Variants in RTTN observed in about 807,000 individuals in gnomAD.
RTTN encodes the protein rotatin.
A neutral mutation model predicts 269.2 loss-of-function variants in RTTN; 182 were observed. That is an observed-to-expected ratio of 0.68 (90% CI 0.60 to 0.76). The LOEUF (loss-of-function observed/expected upper bound fraction) is 0.76. Ranked by LOEUF, RTTN falls within the 30% of genes least tolerant of loss-of-function variation. The pLI is 0.00. For synonymous variants in RTTN, 1,006 were observed against 963.5 expected (o/e 1.04, Z -0.82); for missense variants, 2,545 against 2,608.6 (o/e 0.98, Z 0.53).
At chr18:70,138,988 G>C (rs1683571725) in intron 21 of RTTN, 1 of 102,856 alleles carries the variant, frequency 9.7e-6, no homozygotes, top group African/African-American at 2.6e-5. Flanking sequence ...ATGTTACCAA[G>C]CTCTCCATTG....
chr18:70,057,015 A>G (rs539351968), intron 37 of RTTN, among the ~76,000 whole-genome samples: 55 of 152,348 alleles, frequency 3.6e-4, no homozygotes, highest in Non-Finnish European at 5.7e-4. Context: ...AGGCATGCTC[A>G]GGTGAAAACA....
chr18:70,036,092 C>T (rs150349761), intron 40 of RTTN, among the ~76,000 whole-genome samples: 2 of 152,212 alleles, frequency 1.3e-5, no homozygotes, highest in East Asian at 3.9e-4. Context: ...TGCTTATACA[C>T]AGTGGGAGTG....
Position 70,054,182 on chromosome 18 carries a change from G to C in RTTN, c.5134C>G (p.Leu1712Val), listed in dbSNP as rs983148283. The change falls in exon 38 of 49, where the codon CTT becomes GTT. Residue 1712 changes from leucine to valine, a missense_variant. By Grantham distance (32) the Leu-to-Val change is conservative (BLOSUM62 1). Coordinates refer to ENST00000640769, the MANE Select transcript of RTTN (RefSeq NM_173630.4). ...LVIQDELVKP[L>V]ITNIIGILTI... ...AGAATTCCAATGATATTGGTGATAA[G>C]AGGTTTCACAAGCTCATCCTGAATC... The C allele has an allele frequency of 9.9e-6, 16 of 1,613,608 alleles. No homozygotes were observed. Among genetic ancestry groups the C allele is most frequent in the Non-Finnish European group, 1.2e-5 (14 of 1,179,626 alleles).
intron 36 of RTTN, among the ~76,000 whole-genome samples, chr18:70,058,715 T>C (rs568779680): frequency 3.3e-4 from 50 of 152,064 alleles, no homozygotes; most frequent in Admixed American, 5.9e-4. Flanking sequence ...TAGAGCTCTA[T>C]TTTGGTCATC....
intron 25 of RTTN, among the ~76,000 whole-genome samples, chr18:70,123,339 G>C (rs1049301302): frequency 6.9e-6 from 1 of 144,468 alleles, no homozygotes; most frequent in African/African-American, 2.9e-5. Context: ...ATTTCTCTGT[G>C]GTGAGAACAT....
At chr18:70,193,507 C>T (rs1186955965) in intron 7 of RTTN, 54 bp from the exon 8 acceptor site, 15 of 1,236,080 alleles carry the variant, frequency 1.2e-5, no homozygotes, top group Non-Finnish European at 1.7e-5. Flanking sequence ...AGACTTCTGA[C>T]TATGTGGTAT....
intron 33 of RTTN, 101 bp from the exon 34 acceptor site, chr18:70,074,095 A>G: frequency 1.4e-6 from 1 of 738,666 alleles, no homozygotes; most frequent in Non-Finnish European, 2.2e-6. Context: ...AAACTAAAGA[A>G]AGGAAAAAAC....
At chr18:70,019,493 T>A (rs2056640067) in intron 45 of RTTN, 1 of 152,176 alleles carries the variant, frequency 6.6e-6, no homozygotes, top group South Asian at 2.1e-4. Flanking sequence ...TATATTCAAA[T>A]ATATATACAT....
chr18:70,196,962 A>G (rs1367061480), intron 6 of RTTN, among the ~76,000 whole-genome samples: 1 of 152,252 alleles, frequency 6.6e-6, no homozygotes, highest in East Asian at 1.9e-4. Context: ...ATTACAGAGA[A>G]CATTTTAAAA....
intron 14 of RTTN, among the ~76,000 whole-genome samples, chr18:70,158,839 A>T (rs186682546): frequency 1.1e-4 from 16 of 152,338 alleles, no homozygotes; most frequent in African/African-American, 3.8e-4. Context: ...AATGATCAAA[A>T]GGATAAAGAA....
At chr18:70,139,139 G>A (rs1049164467) in intron 21 of RTTN, among the ~76,000 whole-genome samples, 5 of 152,108 alleles carry the variant, frequency 3.3e-5, no homozygotes, top group Admixed American at 2.6e-4. Context: ...TAGGCTCAGA[G>A]TCATTTAGGA....
At chr18:70,166,356 G>A (rs1215694538) in intron 13 of RTTN, 168 bp from the exon 14 acceptor site, 3 of 538,364 alleles carry the variant, frequency 5.6e-6, no homozygotes, top group South Asian at 7.5e-5. Flanking sequence ...ATTTGTTTCA[G>A]GGCAGAGGAG....
intron 43 of RTTN, among the ~76,000 whole-genome samples, chr18:70,025,724 G>C (rs2056835308): frequency 6.6e-6 from 1 of 152,172 alleles, no homozygotes; most frequent in South Asian, 2.1e-4. Context: ...AAACGATTAA[G>C]TACAAACTCC....
intron 34 of RTTN, 75 bp downstream of exon 34, chr18:70,073,831 T>C: frequency 9.9e-7 from 1 of 1,009,810 alleles, no homozygotes; most frequent in Non-Finnish European, 1.6e-6. Flanking sequence ...CTTTGTATTC[T>C]TAACTCTCCC....
chr18:70,180,612 C>T (rs886107203), intron 10 of RTTN, among the ~76,000 whole-genome samples: 31 of 148,234 alleles, frequency 2.1e-4, no homozygotes, highest in African/African-American at 7.6e-4. Context: ...AAAAAAAGCC[C>T]TCACTGACAT....
intron 25 of RTTN, among the ~76,000 whole-genome samples, chr18:70,123,556 G>T (rs1645558503): frequency 6.6e-6 from 1 of 151,834 alleles, no homozygotes; most frequent in African/African-American, 2.4e-5. Context: ...GACTTTTTTA[G>T]ATTCCATATA....
chr18:70,048,622 T>C (rs1361108419), intron 39 of RTTN, among the ~76,000 whole-genome samples: 1 of 152,222 alleles, frequency 6.6e-6, no homozygotes, highest in Non-Finnish European at 1.5e-5. Context: ...TATTTTAGAT[T>C]TATGCTTGTG....
intron 14 of RTTN, among the ~76,000 whole-genome samples, chr18:70,157,083 A>C (rs4891818): frequency 0.83 from 126,452 of 152,164 alleles, 55,649 homozygotes; most frequent in East Asian, 1. Flanking sequence ...CACAGCCAAT[A>C]CCTACTGGTG....
chr18:70,205,180 G>C lies in RTTN; in HGVS notation c.167C>G (p.Pro56Arg), dbSNP rs747928153. The change falls in exon 2 of 49, where the codon CCG (proline) becomes CGG (arginine). Residue 56 changes from proline to arginine, a missense_variant. Physicochemically the swap from Pro to Arg is moderately radical, Grantham distance 103 (BLOSUM62 -2). Coordinates refer to ENST00000640769, the MANE Select transcript of RTTN (RefSeq NM_173630.4). ...AACCTCTTCCTTCATCGGAACGGACGGGAAATTGAACCATTCCAGCAAATG... is the reference window on the plus strand; with the variant it reads ...AACCTCTTCCTTCATCGGAACGGACCGGAAATTGAACCATTCCAGCAAATG... ...FLHLLEWFNF[P>R]SVPMKEEVLN... 1 of 1,614,162 alleles carries C rather than the reference G, an allele frequency of 6.2e-7. No homozygotes were observed. The highest frequency in any genetic ancestry group is 1.3e-5 in the African/African-American group (1 of 75,034).
Sources: allele counts gnomAD v4.1 joint callset (sites outside exome capture counted in the v4.1 genomes callset), GRCh38; gene constraint gnomAD v4.1.1; transcripts MANE v1.5; gene names NCBI Gene and HGNC (gene_info 2026-07-23, HGNC 2026-07-21).